ST8SIA5: variants seen among roughly 807,000 people sequenced by gnomAD.
The protein encoded by ST8SIA5 is ST8 alpha-N-acetyl-neuraminide alpha-2,8-sialyltransferase 5.
ST8SIA5 carries 24 observed loss-of-function variants against 40.2 expected under a neutral mutation model. The ratio of observed to expected loss-of-function variants is 0.60; its 90% CI spans 0.43 to 0.84. ST8SIA5 has a LOEUF of 0.84. ST8SIA5 is among the 40% of genes least tolerant of loss of function. The pLI, the probability that ST8SIA5 is intolerant of heterozygous loss-of-function variation, is 0.00. For synonymous variants in ST8SIA5, 198 were observed against 201.8 expected, an observed-to-expected ratio of 0.98 and a Z score of 0.16; for missense variants, 465 against 498.5, an observed-to-expected ratio of 0.93 and a Z score of 0.64.
chr18:46,689,957 C>T (rs1184871805), intron 3 of ST8SIA5, among the ~76,000 whole-genome samples: 1 of 151,944 alleles, frequency 6.6e-6, no homozygotes, highest in Admixed American at 6.6e-5. Flanking sequence ...GGCTCCCAGT[C>T]ACAGAGAGCA....
At chr18:46,685,715 CAA>C in intron 5 of ST8SIA5, among the ~76,000 whole-genome samples, 1 of 152,226 alleles carries the variant, frequency 6.6e-6, no homozygotes, top group South Asian at 2.1e-4. Flanking sequence ...TGAAGATCCA[CAA>C]AGAGATAAGA....
intron 1 of ST8SIA5, among the ~76,000 whole-genome samples, chr18:46,713,723 G>A (rs1795349169): frequency 6.6e-6 from 1 of 152,164 alleles, no homozygotes; most frequent in South Asian, 2.1e-4. Context: ...ATATGTCTTG[G>A]AAATGGGGGT....
At chr18:46,711,629 C>T (rs1217086319) in intron 1 of ST8SIA5, among the ~76,000 whole-genome samples, 1 of 152,208 alleles carries the variant, frequency 6.6e-6, no homozygotes, top group Non-Finnish European at 1.5e-5. Flanking sequence ...AGATAGCACA[C>T]GACCCGTCAC....
chr18:46,753,489 C>A, intron 1 of ST8SIA5, among the ~76,000 whole-genome samples: 1 of 151,822 alleles, frequency 6.6e-6, no homozygotes, highest in East Asian at 1.9e-4. Flanking sequence ...AGGAGAATGG[C>A]CTGAACCCGG....
At chr18:46,724,985 GAGAGAGGA>G (rs2039899724) in intron 1 of ST8SIA5, among the ~76,000 whole-genome samples, 1 of 121,942 alleles carries the variant, frequency 8.2e-6, no homozygotes, top group East Asian at 2.4e-4. Context: ...GGAAGAAAGA[GAGAGAGGA>G]AGGAAGGAAG....
rs142218603 is a variant in ST8SIA5, at chr18:46,692,810, C to T, written c.225-555G>A. The stretch of plus-strand genomic sequence containing the variant: ...AGTGTGCCTTTCATGTGCAAACCAA[C>T]CAATCAGAGCCCACACCCTCAACCA... On this transcript the variant is annotated intron_variant, in intron 2 of 6. Coordinates refer to ENST00000315087, the MANE Select transcript of ST8SIA5 (RefSeq NM_013305.6). Among the ~76,000 whole-genome samples the T allele has an allele frequency of 2.6e-3, 391 of 152,160 alleles. 4 individuals carry two copies. Among genetic ancestry groups the T allele is most frequent in the African/African-American group, 9.2e-3 (382 of 41,492 alleles).
intron 5 of ST8SIA5, 88 bp from the exon 6 acceptor site, chr18:46,682,152 C>A: frequency 9.6e-7 from 1 of 1,045,868 alleles, no homozygotes; most frequent in South Asian, 1.6e-5. Flanking sequence ...GGATGGTGAT[C>A]ATGTGGGCAG....
intron 2 of ST8SIA5, among the ~76,000 whole-genome samples, chr18:46,697,087 A>G (rs1343566431): frequency 1.4e-5 from 2 of 146,104 alleles, no homozygotes; most frequent in Admixed American, 7.0e-5. Context: ...CCAGCAGAGG[A>G]GGAGGAGAGA....
At position 46,716,495 on chromosome 18, in the gene ST8SIA5, G is replaced by A. The variant is rs558276495; in HGVS notation, c.132-11831C>T. Reference sequence around the variant, plus strand: ...AGGCAGCCTGGGCCAGCCCCGCTCCGGACCTCAGAGACAAGTGTCTCCTGA... The same window carrying A: ...AGGCAGCCTGGGCCAGCCCCGCTCCAGACCTCAGAGACAAGTGTCTCCTGA... On this transcript the variant is annotated intron_variant, in intron 1 of 6. Coordinates refer to ENST00000315087, the MANE Select transcript of ST8SIA5 (RefSeq NM_013305.6). Among the ~76,000 whole-genome samples, 177 of 152,292 alleles carry A rather than the reference G, an allele frequency of 1.2e-3. 1 individual carries two copies. The highest frequency in any genetic ancestry group is 6.8e-3 in the Middle Eastern group (2 of 294).
chr18:46,710,420 TC>T (rs1471191344), intron 1 of ST8SIA5, among the ~76,000 whole-genome samples: 6 of 150,568 alleles, frequency 4.0e-5, no homozygotes, highest in Non-Finnish European at 5.9e-5. Flanking sequence ...TCTTTCTTTT[TC>T]TTTCTCTCTC....
chr18:46,727,786 CCTT>C (rs557719280), intron 1 of ST8SIA5, among the ~76,000 whole-genome samples: 99 of 152,236 alleles, frequency 6.5e-4, no homozygotes, highest in Admixed American at 4.8e-3. Flanking sequence ...TTCCTTCTCT[CCTT>C]TAACCCCATG....
intron 6 of ST8SIA5, among the ~76,000 whole-genome samples, chr18:46,681,023 G>A (rs2039389830): frequency 6.6e-6 from 1 of 152,206 alleles, no homozygotes; most frequent in Non-Finnish European, 1.5e-5. Flanking sequence ...CCAGGCTGGA[G>A]TGCAGTGGTG....
rs1196743712 is a variant in ST8SIA5, at chr18:46,672,339, G to A, written c.*7703C>T. On this transcript the variant is annotated 3_prime_UTR_variant, in exon 7 of 7. Transcript: ENST00000315087. The stretch of plus-strand genomic sequence containing the variant: ...ACCAGGCCCTATCCCCAGGCCTGCT[G>A]AATCAGATCCTCCGGGAAGTAAAGG... 6.6e-6 allele frequency: 1 copy of A among 152,180 alleles called. No individual in the cohort carries two copies. Among genetic ancestry groups the A allele is most frequent in the East Asian group, 1.9e-4 (1 of 5,188 alleles). The allele number at this position is 152,180 out of a possible 1,614,324, so 9.4% of individuals were successfully genotyped here.
intron 1 of ST8SIA5, among the ~76,000 whole-genome samples, chr18:46,744,082 A>G (rs1039678210): frequency 6.6e-6 from 1 of 152,228 alleles, no homozygotes. Context: ...CATGGAAAGG[A>G]ACAACCGGTA....
rs59660372 is a variant in ST8SIA5 at position 46,725,972 on chromosome 18, A to AAAAAAAATAT, written c.132-21309_132-21308insATATTTTTTT. On this transcript the variant is annotated intron_variant, in intron 1 of 6. Transcript: ENST00000315087. ...CCCATCTCTACTTAAAAAAAAAAAAAATATATATATATATATATATATATA... is the reference window on the plus strand; with the variant it reads ...CCCATCTCTACTTAAAAAAAAAAAAAAAAAAAATATATATATATATATATATATATATATA... 2.7e-4 allele frequency among the ~76,000 whole-genome samples: 8 copies of AAAAAAAATAT among 29,094 alleles called. 2 individuals carry two copies. The highest frequency in any genetic ancestry group is 7.5e-4 in the African/African-American group (5 of 6,660). The allele number at this position is 29,094 out of a possible 152,430, so 19.1% of individuals were successfully genotyped here.
intron 1 of ST8SIA5, among the ~76,000 whole-genome samples, chr18:46,748,026 A>T (rs12956659): frequency 0.72 from 109,283 of 151,176 alleles, 40,009 homozygotes; most frequent in Middle Eastern, 0.8. Context: ...AACAATGAGA[A>T]CACTTGGACA....
chr18:46,680,113 T>C lies in ST8SIA5; in HGVS notation c.1060A>G (p.Ile354Val). 3 of 1,614,144 alleles carry C rather than the reference T, an allele frequency of 1.9e-6. No individual in the cohort carries two copies. The highest frequency in any genetic ancestry group is 2.5e-6 in the Non-Finnish European group (3 of 1,180,030). Residue 354 changes from isoleucine (I) to valine (V), a missense_variant, in exon 7 of 7, where the codon ATC becomes GTC. Physicochemically the swap from Ile to Val is conservative, Grantham distance 29 (BLOSUM62 3). Coordinates refer to ENST00000315087, the MANE Select transcript of ST8SIA5 (RefSeq NM_013305.6). ...RPGFHAMPSE[I>V]FNFLHLHSRG... is the part of the protein sequence containing the mutation. Reference sequence around the variant, plus strand: ...CTGTGCAAGTGCAGGAAGTTGAAGATCTCAGAGGGCATGGCGTGGAAGCCG... The same window carrying C: ...CTGTGCAAGTGCAGGAAGTTGAAGACCTCAGAGGGCATGGCGTGGAAGCCG...
At chr18:46,745,887 C>T (rs980740093) in intron 1 of ST8SIA5, among the ~76,000 whole-genome samples, 37 of 152,182 alleles carry the variant, frequency 2.4e-4, no homozygotes, top group African/African-American at 8.7e-4. Context: ...TGGGCTTCAT[C>T]CCTGGGATGC....
intron 1 of ST8SIA5, among the ~76,000 whole-genome samples, chr18:46,726,015 G>GAGATATATATATATAT (rs2039924680): frequency 3.2e-5 from 1 of 31,114 alleles, no homozygotes; most frequent in African/African-American, 1.3e-4. Context: ...ATATATCCTG[G>GAGATATATATATATAT]ATATATATAT....
Sources: allele counts gnomAD v4.1 joint callset (sites outside exome capture counted in the v4.1 genomes callset), GRCh38; gene constraint gnomAD v4.1.1; transcripts MANE v1.5; gene names NCBI Gene and HGNC (gene_info 2026-07-23, HGNC 2026-07-21).